SH3GLB1: variants seen among roughly 807,000 people sequenced by gnomAD.
SH3GLB1 encodes SH3 domain containing GRB2 like, endophilin B1.
Under a neutral mutation model 42.0 loss-of-function variants are expected in SH3GLB1, and 17 were observed. That is an observed-to-expected ratio of 0.40 (90% CI 0.28 to 0.61). SH3GLB1 has a LOEUF of 0.61. SH3GLB1 is among the 20% of genes least tolerant of loss of function. SH3GLB1 has a pLI of 0.36. For missense variants in SH3GLB1, 355 were observed against 426.3 expected, an observed-to-expected ratio of 0.83 and a Z score of 1.47; for synonymous variants, 132 against 146.6, an observed-to-expected ratio of 0.90 and a Z score of 0.72.
intron 1 of SH3GLB1, among the ~76,000 whole-genome samples, chr1:86,705,524 C>T (rs1653808418): frequency 6.6e-6 from 1 of 152,182 alleles, no homozygotes; most frequent in Admixed American, 6.5e-5. Flanking sequence ...TGGAGATCGC[C>T]AGTTGGCGTT....
At chr1:86,740,633 CTA>C (rs1656014860) in intron 7 of SH3GLB1, among the ~76,000 whole-genome samples, 1 of 152,032 alleles carries the variant, frequency 6.6e-6, no homozygotes. Flanking sequence ...ATAGTAGAAA[CTA>C]TTATTATTGG....
intron 7 of SH3GLB1, among the ~76,000 whole-genome samples, chr1:86,741,033 C>G (rs6687821): frequency 0.24 from 36,823 of 151,834 alleles, 6,045 homozygotes; most frequent in African/African-American, 0.47. Context: ...AGATGATGTG[C>G]TATAGTTGAA....
At chr1:86,741,230 C>G (rs893331810) in intron 7 of SH3GLB1, among the ~76,000 whole-genome samples, 21 of 152,104 alleles carry the variant, frequency 1.4e-4, no homozygotes, top group Non-Finnish European at 1.0e-4. Context: ...GGGAATTTTG[C>G]TGATGACTGA....
intron 1 of SH3GLB1, among the ~76,000 whole-genome samples, chr1:86,709,302 A>G (rs1246977359): frequency 5.9e-5 from 9 of 152,246 alleles, no homozygotes; most frequent in Non-Finnish European, 1.3e-4. Flanking sequence ...GCAAATTACC[A>G]TCCATATGTG....
At chr1:86,740,278 A>T (rs960805157) in intron 7 of SH3GLB1, among the ~76,000 whole-genome samples, 2 of 152,214 alleles carry the variant, frequency 1.3e-5, no homozygotes, top group African/African-American at 4.8e-5. Context: ...GAGGGTATGA[A>T]ATAGTCATCA....
intron 2 of SH3GLB1, among the ~76,000 whole-genome samples, chr1:86,717,471 G>A (rs1209299420): frequency 2.6e-5 from 4 of 152,134 alleles, no homozygotes; most frequent in Non-Finnish European, 5.9e-5. Context: ...CCAGGCTGGA[G>A]TGCAGTGGTG....
chr1:86,709,409 AC>A (rs1654066088), intron 1 of SH3GLB1, among the ~76,000 whole-genome samples: 1 of 152,216 alleles, frequency 6.6e-6, no homozygotes, highest in African/African-American at 2.4e-5. Flanking sequence ...GTTAACTAAT[AC>A]CAGTATAAAT....
chr1:86,724,874 TAAAAAAAAAAAA>T (rs1165438979), intron 5 of SH3GLB1, among the ~76,000 whole-genome samples: 8 of 97,910 alleles, frequency 8.2e-5, no homozygotes, highest in African/African-American at 2.5e-4. Context: ...ACCCTGTCTT[TAAAAAAAAAAAA>T]AAAAAAATAT....
chr1:86,719,997 A>G (rs1184402127), intron 3 of SH3GLB1, among the ~76,000 whole-genome samples: 3 of 148,294 alleles, frequency 2.0e-5, no homozygotes, highest in Non-Finnish European at 3.0e-5. Context: ...CTCTGTCTCA[A>G]AAAAAAAAAA....
chr1:86,730,788 C>T (rs1655468429), intron 5 of SH3GLB1, among the ~76,000 whole-genome samples: 2 of 152,200 alleles, frequency 1.3e-5, no homozygotes, highest in Non-Finnish European at 2.9e-5. Flanking sequence ...AGGCGTGAGC[C>T]ACCGTACCCG....
chr1:86,709,364 A>G (rs1446133755), intron 1 of SH3GLB1, among the ~76,000 whole-genome samples: 1 of 152,212 alleles, frequency 6.6e-6, no homozygotes, highest in Non-Finnish European at 1.5e-5. Flanking sequence ...CAGTATCTTT[A>G]TTAGTATTTT....
intron 1 of SH3GLB1, among the ~76,000 whole-genome samples, chr1:86,715,245 C>T (rs1434253581): frequency 1.3e-5 from 2 of 152,178 alleles, no homozygotes; most frequent in African/African-American, 4.8e-5. Flanking sequence ...CTTAATCCCC[C>T]AAACACTATA....
intron 5 of SH3GLB1, chr1:86,728,317 T>C: frequency 1.8e-6 from 1 of 553,366 alleles, no homozygotes; most frequent in African/African-American, 2.0e-5. Context: ...TTTACTTGTT[T>C]AATGTGTTAT....
rs1558300465 is a variant in SH3GLB1 at position 86,715,772 on chromosome 1, C to T, written c.121C>T (p.His41Tyr). The change falls in exon 2 of 9, where the codon CAC becomes TAC. Residue 41 changes from histidine to tyrosine, a missense_variant. Physicochemically the swap from His to Tyr is moderately conservative, Grantham distance 83. Coordinates refer to ENST00000370558, the MANE Select transcript of SH3GLB1 (RefSeq NM_016009.5). ...GQAEKTELDA[H>Y]LENLLSKAEC... ...GGCTGAGAAGACAGAATTGGATGCT[C>T]ACTTAGAGAACCTCCTTAGCAAAGC... 1 of 1,612,274 alleles carries T rather than the reference C, an allele frequency of 6.2e-7. No individual in the cohort carries two copies. The highest frequency in any genetic ancestry group is 8.5e-7 in the Non-Finnish European group (1 of 1,179,590).
At chr1:86,735,934 G>A (rs1655758807) in intron 7 of SH3GLB1, among the ~76,000 whole-genome samples, 1 of 152,208 alleles carries the variant, frequency 6.6e-6, no homozygotes, top group African/African-American at 2.4e-5. Context: ...TATTGTGAAG[G>A]CATCTAACTG....
Position 86,742,245 on chromosome 1 carries a change from T to C in SH3GLB1, c.799T>C (p.Ser267Pro), listed in dbSNP as rs1216610042. 1 of 1,614,126 alleles carries C rather than the reference T, an allele frequency of 6.2e-7. No homozygotes were observed. The highest frequency in any genetic ancestry group is 1.1e-5 in the South Asian group (1 of 91,090). Residue 267 changes from serine (S) to proline (P), a missense_variant, in exon 8 of 9, where the codon TCT (serine) becomes CCT (proline). By Grantham distance (74) the Ser-to-Pro change is moderately conservative (BLOSUM62 -1). Coordinates refer to ENST00000370558, the MANE Select transcript of SH3GLB1 (RefSeq NM_016009.5). Reference protein sequence around the residue: ...SNYLSNNNQTSVTPVPSVLPN... With the variant: ...SNYLSNNNQTPVTPVPSVLPN... ...TTATCTTAGTAACAACAATCAGACT[T>C]CTGTGACACCTGTACCATCAGTTTT...
In SH3GLB1 at chr1:86,715,711, C is replaced by T. The variant is rs559737906; in HGVS notation, c.73-13C>T. The T allele has an allele frequency of 6.4e-7, 1 of 1,567,584 alleles. No homozygotes were observed. Among genetic ancestry groups the T allele is most frequent in the South Asian group, 1.2e-5 (1 of 83,086 alleles). On this transcript the variant is annotated splice_polypyrimidine_tract_variant and intron_variant, in intron 1 of 8. Transcript: ENST00000370558. Reference sequence around the variant, plus strand: ...TGCAGTATATTTAATTTTTGTTTTACAATCAATAACAGTTCACAGAAGAAA... The same window carrying T: ...TGCAGTATATTTAATTTTTGTTTTATAATCAATAACAGTTCACAGAAGAAA...
intron 2 of SH3GLB1, among the ~76,000 whole-genome samples, chr1:86,716,250 GTGTGTTTT>G (rs986236468): frequency 3.3e-5 from 5 of 149,534 alleles, no homozygotes; most frequent in African/African-American, 1.3e-4. Flanking sequence ...TAAGTTTTTG[GTGTGTTTT>G]TTTGTTTGTT....
chr1:86,734,627 A>C lies in SH3GLB1; in HGVS notation c.596A>C (p.Gln199Pro). 2 of 1,613,144 alleles carry C rather than the reference A, an allele frequency of 1.2e-6. No individual in the cohort carries two copies. Among genetic ancestry groups the C allele is most frequent in the African/African-American group, 1.3e-5 (1 of 75,004 alleles). ...NSSEQELRIT[Q>P]SEFDRQAEIT... ...TCTGAACAGGAATTAAGAATAACTCAAAGTGAATTTGATCGTCAAGCAGAG... is the reference window on the plus strand; with the variant it reads ...TCTGAACAGGAATTAAGAATAACTCCAAGTGAATTTGATCGTCAAGCAGAG... The change falls in exon 6 of 9, where the codon CAA (glutamine) becomes CCA (proline). Residue 199 changes from glutamine to proline, a missense_variant. Transcript: ENST00000370558.
Sources: gnomAD v4.1 joint callset for allele counts (sites outside exome capture counted in the v4.1 genomes callset) on GRCh38, gnomAD v4.1.1 for gene constraint, MANE v1.5 for transcripts, NCBI Gene and HGNC (gene_info 2026-07-23, HGNC 2026-07-21) for gene names.